SLC39A11: variants seen among roughly 807,000 people sequenced by gnomAD.
SLC39A11 encodes solute carrier family 39 member 11.
A neutral mutation model predicts 36.1 loss-of-function variants in SLC39A11; 33 were observed. The observed-to-expected ratio is 0.91, with a 90% CI of 0.69 to 1.22. The LOEUF (loss-of-function observed/expected upper bound fraction) is 1.22, where lower values mean the gene tolerates loss of function less well. Ranked by LOEUF, SLC39A11 falls within the 50% of genes most tolerant of loss-of-function variation. The pLI is 0.00. For missense variants in SLC39A11, 432 were observed against 430.3 expected (o/e 1.00, Z -0.03); for synonymous variants, 166 against 170.3 (o/e 0.97, Z 0.20).
At chr17:72,755,754 G>A (rs992472133) in intron 6 of SLC39A11, among the ~76,000 whole-genome samples, 1 of 152,196 alleles carries the variant, frequency 6.6e-6, no homozygotes, top group East Asian at 1.9e-4. Context: ...CCTCCTCCCT[G>A]ACAAGCTTCA....
intron 6 of SLC39A11, among the ~76,000 whole-genome samples, chr17:72,799,734 CTGTTTTCTGT>C (rs1296218014): frequency 1.3e-5 from 2 of 151,702 alleles, no homozygotes; most frequent in Non-Finnish European, 2.9e-5. Context: ...CTCTCGAACC[CTGTTTTCTGT>C]TGTTTAAGAT....
intron 6 of SLC39A11, among the ~76,000 whole-genome samples, chr17:72,834,297 GGGACTATGGAATT>G (rs935309776): frequency 1.3e-5 from 2 of 152,200 alleles, no homozygotes; most frequent in African/African-American, 4.8e-5. Context: ...CAGGTGGCCA[GGGACTATGGAATT>G]GGACACAGCA....
At chr17:72,731,800 C>T (rs138885010) in intron 7 of SLC39A11, among the ~76,000 whole-genome samples, 1 of 151,942 alleles carries the variant, frequency 6.6e-6, no homozygotes, top group Admixed American at 6.6e-5. Context: ...GATCTTGGCA[C>T]ACTGCAACCT....
chr17:73,064,100 A>AT (rs1336421133), intron 3 of SLC39A11, among the ~76,000 whole-genome samples: 1 of 152,170 alleles, frequency 6.6e-6, no homozygotes, highest in East Asian at 1.9e-4. Context: ...AAAAAAGGAA[A>AT]TAAAAAAAAG....
At chr17:72,803,891 C>A (rs560326667) in intron 6 of SLC39A11, among the ~76,000 whole-genome samples, 6 of 152,036 alleles carry the variant, frequency 3.9e-5, no homozygotes, top group Non-Finnish European at 8.8e-5. Context: ...TCCGTCATAT[C>A]CCACTCTTAC....
chr17:72,941,606 C>T (rs1466422136), intron 5 of SLC39A11, among the ~76,000 whole-genome samples: 3 of 150,062 alleles, frequency 2.0e-5, no homozygotes, highest in Admixed American at 6.7e-5. Flanking sequence ...TATTTGAGTG[C>T]TCCATATTAG....
At position 72,822,736 on chromosome 17, in the gene SLC39A11, C is replaced by CT. The variant is rs201408222; in HGVS notation, c.601+26897dup. Among the ~76,000 whole-genome samples the CT allele has an allele frequency of 2.7e-3, 411 of 149,804 alleles. 20 individuals carry two copies. Among genetic ancestry groups the CT allele is most frequent in the Non-Finnish European group, 4.5e-3 (302 of 66,840 alleles). On this transcript the variant is annotated intron_variant, in intron 6 of 9. Transcript: ENST00000255559. ...CTTTTTTTCTTTCTTTCTTTTCTTT[C>CT]TTTTTTTTTGCTCTGTCACCCAGGC...
At position 72,971,773 on chromosome 17, in the gene SLC39A11, C is replaced by T. The variant is rs538222536; in HGVS notation, c.307-23898G>A. Among the ~76,000 whole-genome samples the T allele has an allele frequency of 4.0e-5, 6 of 150,536 alleles. No homozygotes were observed. In the East Asian group the frequency reaches 1.2e-3, roughly 30 times the overall value. ...TCTACCTACACAAGTGGGCTTACAA[C>T]ACCAAAACTGGTTTGTAGTGTGTTT... On this transcript the variant is annotated intron_variant, in intron 4 of 9. Transcript: ENST00000255559.
chr17:72,729,153 G>T (rs2074049503), intron 7 of SLC39A11, among the ~76,000 whole-genome samples: 1 of 151,816 alleles, frequency 6.6e-6, no homozygotes, highest in Non-Finnish European at 1.5e-5. Flanking sequence ...GATGTCTCTT[G>T]CCTGCATCGG....
chr17:72,972,996 G>A (rs927733675), intron 4 of SLC39A11, among the ~76,000 whole-genome samples: 1 of 151,736 alleles, frequency 6.6e-6, no homozygotes, highest in South Asian at 2.1e-4. Flanking sequence ...TCCTTCAACC[G>A]AGCTCCTGGA....
At chr17:72,839,330 T>C (rs1189548563) in intron 6 of SLC39A11, 1 of 152,104 alleles carries the variant, frequency 6.6e-6, no homozygotes, top group African/African-American at 2.4e-5. Context: ...AATGTTACCT[T>C]TCATGACAAA....
chr17:73,048,629 G>A (rs907360057), intron 3 of SLC39A11, among the ~76,000 whole-genome samples: 8 of 152,160 alleles, frequency 5.3e-5, no homozygotes, highest in Admixed American at 2.0e-4. Flanking sequence ...TTCCACAGTG[G>A]CTGAACTAAT....
intron 5 of SLC39A11, among the ~76,000 whole-genome samples, chr17:72,900,841 TAC>T (rs1029621818): frequency 1.3e-5 from 2 of 152,136 alleles, no homozygotes; most frequent in Admixed American, 1.3e-4. Flanking sequence ...CAGCAGCAAT[TAC>T]AGAGTTCAGC....
At chr17:72,701,749 AAAAGAGAAAGAAAG>A (rs2072639130) in intron 7 of SLC39A11, among the ~76,000 whole-genome samples, 2 of 148,150 alleles carry the variant, frequency 1.3e-5, no homozygotes, top group African/African-American at 5.0e-5. Context: ...AAAAAAAAGA[AAAAGAGAAAGAAAG>A]AAAGAGAAAG....
At chr17:72,949,151 T>TTTTTTTTTTTTG (rs2085671590) in intron 4 of SLC39A11, among the ~76,000 whole-genome samples, 1 of 87,110 alleles carries the variant, frequency 1.1e-5, no homozygotes, top group Non-Finnish European at 1.9e-5. Context: ...CAGCTTTTTT[T>TTTTTTTTTTTTG]TTTTTTTTTT....
intron 3 of SLC39A11, among the ~76,000 whole-genome samples, chr17:73,065,648 A>G (rs1219626957): frequency 6.6e-6 from 1 of 152,188 alleles, no homozygotes; most frequent in East Asian, 1.9e-4. Flanking sequence ...TGCTTCCAGA[A>G]TAACACAGCC....
chr17:72,939,044 C>T lies in SLC39A11; in HGVS notation c.430+8708G>A, dbSNP rs148812250. On this transcript the variant is annotated intron_variant, in intron 5 of 9. Coordinates refer to ENST00000255559, the MANE Select transcript of SLC39A11 (RefSeq NM_139177.4). ...CCTCCTTTGTATAAGACAAACATGGCGCCTCAGACGAACCAAGCTCCTGAA... is the reference window on the plus strand; with the variant it reads ...CCTCCTTTGTATAAGACAAACATGGTGCCTCAGACGAACCAAGCTCCTGAA... Among the ~76,000 whole-genome samples the T allele has an allele frequency of 3.9e-4, 60 of 152,256 alleles. No homozygotes were observed. The East Asian group carries it at 9.3e-3, about 23-fold the overall frequency.
At position 73,084,793 on chromosome 17, in the gene SLC39A11, C is replaced by T. The variant is rs780773085; in HGVS notation, c.147+15G>A. On this transcript the variant is annotated intron_variant, in intron 3 of 9. Coordinates refer to ENST00000255559, the MANE Select transcript of SLC39A11 (RefSeq NM_139177.4). ...TATGCCTCAATTTCCATTTCTCCTA[C>T]TACATGCTACTTACCCCTGCAGCAA... The T allele has an allele frequency of 3.1e-6, 5 of 1,613,768 alleles. No individual in the cohort carries two copies. The African/African-American group carries it at 5.3e-5, about 17-fold the overall frequency.
intron 7 of SLC39A11, among the ~76,000 whole-genome samples, chr17:72,652,692 C>G (rs8075775): frequency 0.36 from 54,066 of 152,072 alleles, 9,954 homozygotes; most frequent in East Asian, 0.55. Flanking sequence ...CTCTGCAAAG[C>G]TCTGTTTCAA....
Sources: allele counts gnomAD v4.1 joint callset (sites outside exome capture counted in the v4.1 genomes callset), GRCh38; gene constraint gnomAD v4.1.1; transcripts MANE v1.5; gene names NCBI Gene and HGNC (gene_info 2026-07-23, HGNC 2026-07-21).